The following ROBO2 variants were observed in gnomAD, a reference collection of about 807,000 sequenced individuals.
The protein encoded by ROBO2 is roundabout guidance receptor 2, also known as roundabout homolog 2.
In ROBO2, 53 loss-of-function variants were observed where a neutral mutation model predicts 160.8. That is an observed-to-expected ratio of 0.33 (90% CI 0.26 to 0.41). The LOEUF is 0.41. ROBO2 is among the 10% of genes least tolerant of loss of function. The probability of loss-of-function intolerance (pLI) is 1.00; values close to 1 mark genes in which losing one functional copy is unlikely to be tolerated. For synonymous variants in ROBO2, 664 were observed against 611.7 expected (o/e 1.09, Z -1.26); for missense variants, 1,577 against 1,722.4 (o/e 0.92, Z 1.49).
intron 2 of ROBO2, among the ~76,000 whole-genome samples, chr3:76,873,985 G>C (rs754323147): frequency 2.6e-5 from 4 of 152,086 alleles, no homozygotes; most frequent in Non-Finnish European, 4.4e-5. Context: ...AAATAGAATG[G>C]AGAGAGAACC....
intron 2 of ROBO2, among the ~76,000 whole-genome samples, chr3:77,405,697 TA>T: frequency 6.6e-6 from 1 of 152,080 alleles, no homozygotes; most frequent in African/African-American, 2.4e-5. Flanking sequence ...ATAAGTCTAC[TA>T]AAAAATTAAA....
chr3:76,764,454 T>A (rs368789895), intron 2 of ROBO2, among the ~76,000 whole-genome samples: 1 of 151,854 alleles, frequency 6.6e-6, no homozygotes, highest in Non-Finnish European at 1.5e-5. Context: ...ATAATACTAA[T>A]GTTTACTTTC....
intron 5 of ROBO2, among the ~76,000 whole-genome samples, chr3:77,514,767 AT>A (rs1257855933): frequency 1.3e-5 from 2 of 151,798 alleles, no homozygotes; most frequent in East Asian, 3.9e-4. Flanking sequence ...TTCCAATGTA[AT>A]GGTTACAATG....
chr3:76,686,136 A>G (rs1286160307), intron 2 of ROBO2, among the ~76,000 whole-genome samples: 1 of 152,096 alleles, frequency 6.6e-6, no homozygotes, highest in African/African-American at 2.4e-5. Flanking sequence ...GGGAAGACAC[A>G]GTCATAACCT....
intron 2 of ROBO2, among the ~76,000 whole-genome samples, chr3:76,668,996 C>G (rs763870288): frequency 6.6e-6 from 1 of 152,072 alleles, no homozygotes; most frequent in Non-Finnish European, 1.5e-5. Context: ...TGACATGAGA[C>G]GCCTTTTTTG....
chr3:76,063,982 C>T (rs1434367279), intron 2 of ROBO2, among the ~76,000 whole-genome samples: 1 of 152,154 alleles, frequency 6.6e-6, no homozygotes, highest in African/African-American at 2.4e-5. Context: ...TGGCTAGGAT[C>T]TGAAGGTGGC....
At chr3:76,380,826 A>G (rs190933155) in intron 2 of ROBO2, among the ~76,000 whole-genome samples, 150 of 152,280 alleles carry the variant, frequency 9.9e-4, no homozygotes, top group Admixed American at 2.1e-3. Context: ...AAAGTAAGAT[A>G]TATGAAGAAA....
intron 2 of ROBO2, among the ~76,000 whole-genome samples, chr3:77,445,294 A>C (rs2080355880): frequency 6.6e-6 from 1 of 152,166 alleles, no homozygotes; most frequent in Admixed American, 6.6e-5. Context: ...AGACTATCTC[A>C]GGACTTCTTA....
intron 2 of ROBO2, among the ~76,000 whole-genome samples, chr3:76,048,959 T>C (rs111765566): frequency 0.011 from 1,642 of 152,216 alleles, 8 homozygotes; most frequent in Middle Eastern, 0.02. Flanking sequence ...TATACTTGAA[T>C]AAGGTTCAAA....
At position 77,588,897 on chromosome 3, in the gene ROBO2, C is replaced by T; in HGVS notation, c.2647C>T (p.Arg883Ter). The change falls in exon 17 of 26, where the codon CGA becomes TGA. Residue 883 changes from arginine (R) to a stop codon, truncating the protein, a stop_gained. Coordinates refer to ENST00000461745, the Ensembl canonical transcript of ROBO2. LOFTEE classifies it high-confidence loss of function. ...GGGTTTTAGCATATGGTTGTATTGG[C>T]GAAGAAAGAAGAGGAAGGGACTCAG... 2 of 1,612,928 alleles carry T rather than the reference C, an allele frequency of 1.2e-6. No homozygotes were observed. The highest frequency in any genetic ancestry group is 1.7e-6 in the Non-Finnish European group (2 of 1,179,404).
intron 2 of ROBO2, among the ~76,000 whole-genome samples, chr3:76,103,315 T>C (rs2069780096): frequency 6.6e-6 from 1 of 152,180 alleles, no homozygotes. Flanking sequence ...TAGATTATAA[T>C]GAGGAAAAGA....
At chr3:76,958,964 C>T (rs900538692) in intron 2 of ROBO2, among the ~76,000 whole-genome samples, 2 of 152,158 alleles carry the variant, frequency 1.3e-5, no homozygotes, top group Admixed American at 1.3e-4. Flanking sequence ...TCAGATTTTA[C>T]AGTTATCTCC....
At chr3:76,261,479 T>C (rs1479173240) in intron 2 of ROBO2, among the ~76,000 whole-genome samples, 10 of 152,118 alleles carry the variant, frequency 6.6e-5, no homozygotes, top group Admixed American at 5.2e-4. Flanking sequence ...TTTAAAGTTA[T>C]GTTCACAATT....
At chr3:76,551,761 A>C (rs940492063) in intron 2 of ROBO2, among the ~76,000 whole-genome samples, 6 of 152,140 alleles carry the variant, frequency 3.9e-5, no homozygotes, top group African/African-American at 4.8e-5. Context: ...CCTGTGGTAC[A>C]TCAGATCCAA....
intron 2 of ROBO2, among the ~76,000 whole-genome samples, chr3:77,390,291 C>G (rs2074581758): frequency 6.6e-6 from 1 of 152,098 alleles, no homozygotes; most frequent in Non-Finnish European, 1.5e-5. Context: ...CAGTCAAGTA[C>G]TCTGGTGTTT....
intron 2 of ROBO2, among the ~76,000 whole-genome samples, chr3:75,952,458 C>A (rs974330010): frequency 8.2e-4 from 124 of 151,904 alleles, no homozygotes; most frequent in African/African-American, 2.9e-3. Context: ...TGCATGAAAA[C>A]CCTGCCTTGT....
intron 2 of ROBO2, among the ~76,000 whole-genome samples, chr3:76,132,776 A>C (rs1372431374): frequency 6.6e-6 from 1 of 152,168 alleles, no homozygotes; most frequent in Non-Finnish European, 1.5e-5. Flanking sequence ...GAAATTATAG[A>C]AAATATGACT....
At chr3:75,924,341 G>A (rs1385110468) in intron 1 of ROBO2, among the ~76,000 whole-genome samples, 1 of 152,080 alleles carries the variant, frequency 6.6e-6, no homozygotes, top group Non-Finnish European at 1.5e-5. Flanking sequence ...AGGAGCTTGG[G>A]GAGACTGGAG....
At chr3:76,935,423 G>A (rs1431408278) in intron 2 of ROBO2, among the ~76,000 whole-genome samples, 3 of 152,240 alleles carry the variant, frequency 2.0e-5, no homozygotes, top group Middle Eastern at 3.4e-3. Context: ...CATGTTTTCT[G>A]TTCCTGGATC....
Sources: gnomAD v4.1 joint callset for allele counts (sites outside exome capture counted in the v4.1 genomes callset) on GRCh38, gnomAD v4.1.1 for gene constraint, MANE v1.5 for transcripts, NCBI Gene and HGNC (gene_info 2026-07-23, HGNC 2026-07-21) for gene names.